XK: variants seen among roughly 807,000 people sequenced by gnomAD.
XK encodes the protein X-linked Kx blood group antigen, Kell and VPS13A binding protein, also known as endoplasmic reticulum membrane adapter protein XK.
Under a neutral mutation model 14.0 loss-of-function variants are expected in XK, and 2 were observed. The observed-to-expected ratio is 0.14, with a 90% CI of 0.06 to 0.45. XK has a LOEUF of 0.45. XK is among the 20% of genes least tolerant of loss of function. The pLI, the probability that XK is intolerant of heterozygous loss-of-function variation, is 0.98. For missense variants in XK, 235 were observed against 341.5 expected, an observed-to-expected ratio of 0.69 and a Z score of 2.46; for synonymous variants, 149 against 147.5, an observed-to-expected ratio of 1.01 and a Z score of -0.08.
chrX:37,704,408 A>G (rs1398820971), intron 2 of XK, among the ~76,000 whole-genome samples: 1 of 111,324 alleles, frequency 9.0e-6, no homozygotes, highest in Non-Finnish European at 1.9e-5. Flanking sequence ...GTGGTGGTAT[A>G]TAACTGTAGT....
At position 37,728,651 on chromosome X, in the gene XK, T is replaced by TTCTTGG. The variant is rs1297758354; in HGVS notation, c.*189_*190insTCTTGG. 2.1e-6 allele frequency: 1 copy of TTCTTGG among 479,367 alleles called. No individual in the cohort carries two copies. The highest frequency in any genetic ancestry group is 3.4e-5 in the Admixed American group (1 of 29,173). The allele number at this position is 479,367 out of a possible 1,213,427, so 39.5% of individuals were successfully genotyped here. On this transcript the variant is annotated 3_prime_UTR_variant, in exon 3 of 3. Transcript: ENST00000378616. ...GGAAGAAGCCAGGAAAACCTCTGAG[T>TTCTTGG]GTTGAAGGGGCAACCCAAGGCATCA...
Position 37,711,717 on chromosome X carries a change from C to T in XK, c.509-15919C>T, listed in dbSNP as rs781936412. Among the ~76,000 whole-genome samples, 3 of 111,704 alleles carry T rather than the reference C, an allele frequency of 2.7e-5. No individual in the cohort carries two copies. The South Asian group carries it at 1.1e-3, about 42-fold the overall frequency. Reference sequence around the variant, plus strand: ...CCTGCACCCGGATGCTTGCCTCAAGCTCTTCAGTTTGAGAGTAGTCATCTA... The same window carrying T: ...CCTGCACCCGGATGCTTGCCTCAAGTTCTTCAGTTTGAGAGTAGTCATCTA... On this transcript the variant is annotated intron_variant, in intron 2 of 2. Transcript: ENST00000378616.
At chrX:37,724,689 G>T (rs1457038579) in intron 2 of XK, among the ~76,000 whole-genome samples, 1 of 111,073 alleles carries the variant, frequency 9.0e-6, no homozygotes, top group African/African-American at 3.3e-5. Context: ...TGCAGAAGAC[G>T]CTCTCAAGAG....
chrX:37,693,879 G>C (rs782072927), intron 1 of XK, among the ~76,000 whole-genome samples: 39 of 112,203 alleles, frequency 3.5e-4, no homozygotes, highest in Non-Finnish European at 7.0e-4. Flanking sequence ...ATGACAAAGT[G>C]GGTATTATAT....
chrX:37,711,540 C>G (rs1313839201), intron 2 of XK, among the ~76,000 whole-genome samples: 1 of 112,098 alleles, frequency 8.9e-6, no homozygotes, highest in Non-Finnish European at 1.9e-5. Context: ...TTTACACAAT[C>G]CTTTGTGGAT....
intron 2 of XK, among the ~76,000 whole-genome samples, chrX:37,710,383 G>A (rs781790382): frequency 4.4e-5 from 5 of 112,427 alleles, no homozygotes; most frequent in Admixed American, 1.9e-4. Context: ...ACTCTTACAG[G>A]TGAATCTATT....
rs781800879 is a variant in XK, at chrX:37,728,377, G to C, written c.1250G>C (p.Arg417Thr). The change falls in exon 3 of 3, where the codon AGA becomes ACA. Residue 417 changes from arginine to threonine, a missense_variant. Coordinates refer to ENST00000378616, the MANE Select transcript of XK (RefSeq NM_021083.4). ...GGAAAGGAAGATCTACAGTCATCCA[G>C]AGATAGAGATGAGACACCTTCTAGC... Reference protein sequence around the residue: ...PIGKEDLQSSRDRDETPSSSK... With the variant: ...PIGKEDLQSSTDRDETPSSSK... 38 of 1,210,671 alleles carry C rather than the reference G, an allele frequency of 3.1e-5. No individual in the cohort carries two copies. Among genetic ancestry groups the C allele is most frequent in the Non-Finnish European group, 4.1e-5 (37 of 895,438 alleles).
In XK at chrX:37,686,717, C is replaced by T. The variant is rs564567348; in HGVS notation, c.245+511C>T. On this transcript the variant is annotated intron_variant, in intron 1 of 2. Transcript: ENST00000378616. ...ATTCTCATAGGGAAGTCAAGAAATC[C>T]ATGCACCATTCTTTTCTCTTGGTGG... Among the ~76,000 whole-genome samples the T allele has an allele frequency of 6.3e-5, 7 of 111,338 alleles. No homozygotes were observed. In the South Asian group the frequency reaches 2.8e-3, roughly 44 times the overall value.
chrX:37,707,172 C>T (rs868957580), intron 2 of XK, among the ~76,000 whole-genome samples: 4 of 112,061 alleles, frequency 3.6e-5, no homozygotes, highest in Non-Finnish European at 3.8e-5. Flanking sequence ...GGGTGGTGGC[C>T]GGGCAGAGGG....
chrX:37,713,596 A>G (rs782716861), intron 2 of XK, among the ~76,000 whole-genome samples: 8 of 108,291 alleles, frequency 7.4e-5, no homozygotes, highest in African/African-American at 2.5e-4. Flanking sequence ...CTGAGGAAGA[A>G]TGCCTCTTTT....
chrX:37,699,822 C>T (rs1173365100), intron 2 of XK, among the ~76,000 whole-genome samples: 1 of 111,509 alleles, frequency 9.0e-6, no homozygotes, highest in East Asian at 2.8e-4. Flanking sequence ...GCTCAGTGAA[C>T]ACCAATAATA....
chrX:37,685,906 G>T lies in XK; in HGVS notation c.-56G>T. 1 of 1,163,381 alleles carries T rather than the reference G, an allele frequency of 8.6e-7. No homozygotes were observed. ...TCGGGCAACGGCCGCCGCCGCCACA[G>T]CCACACAGCCGCCGCCACTGCGTCC... On this transcript the variant is annotated 5_prime_UTR_variant, in exon 1 of 3. Transcript: ENST00000378616.
At position 37,717,362 on chromosome X, in the gene XK, A is replaced by T. The variant is rs1035224238; in HGVS notation, c.509-10274A>T. On this transcript the variant is annotated intron_variant, in intron 2 of 2. Coordinates refer to ENST00000378616, the MANE Select transcript of XK (RefSeq NM_021083.4). ...TGAGTGATCTCTGGAAAGTTACTTAACATCTCTATGTCTCCACTTTCTCAT... is the reference window on the plus strand; with the variant it reads ...TGAGTGATCTCTGGAAAGTTACTTATCATCTCTATGTCTCCACTTTCTCAT... Among the ~76,000 whole-genome samples the T allele has an allele frequency of 8.0e-5, 9 of 112,130 alleles. 1 individual carries two copies. The highest frequency in any genetic ancestry group is 2.6e-4 in the African/African-American group (8 of 30,912).
chrX:37,692,264 T>C (rs1390357261), intron 1 of XK, among the ~76,000 whole-genome samples: 2 of 111,242 alleles, frequency 1.8e-5, no homozygotes, highest in Non-Finnish European at 3.8e-5. Context: ...TTATTGTGCA[T>C]ATGTCCCACT....
At chrX:37,688,362 G>A (rs1478123957) in intron 1 of XK, among the ~76,000 whole-genome samples, 2 of 111,077 alleles carry the variant, frequency 1.8e-5, no homozygotes, top group African/African-American at 3.3e-5. Flanking sequence ...CACCGTGCCC[G>A]GCCTTATCAT....
intron 1 of XK, among the ~76,000 whole-genome samples, chrX:37,687,158 A>ATCTC (rs782029572): frequency 1.4e-4 from 14 of 101,112 alleles, no homozygotes; most frequent in African/African-American, 4.5e-4. Context: ...CTACCAGGAA[A>ATCTC]TCTCTCTCTC....
intron 2 of XK, among the ~76,000 whole-genome samples, chrX:37,722,833 T>C (rs1189077004): frequency 1.8e-5 from 2 of 111,980 alleles, no homozygotes; most frequent in African/African-American, 6.5e-5. Flanking sequence ...TAAATAGAAT[T>C]GCTTTCCTAA....
At chrX:37,713,761 C>T (rs1556447233) in intron 2 of XK, among the ~76,000 whole-genome samples, 1 of 111,387 alleles carries the variant, frequency 9.0e-6, no homozygotes, top group Admixed American at 9.5e-5. Flanking sequence ...TGGGCAAGGC[C>T]TGGAATGGAT....
Position 37,685,809 on chromosome X carries a change from C to T in XK, c.-153C>T. ...CAGTTCCAGAGCCCAGGCCGGTCGG[C>T]CGGGCCCGCGTGCCCTCGGCGGGCT... is the stretch of plus-strand genomic sequence containing the variant. On this transcript the variant is annotated 5_prime_UTR_variant, in exon 1 of 3. Transcript: ENST00000378616. 3 of 433,195 alleles carry T rather than the reference C, an allele frequency of 6.9e-6. No individual in the cohort carries two copies. Among genetic ancestry groups the T allele is most frequent in the Non-Finnish European group, 9.3e-6 (3 of 324,286 alleles). The allele number at this position is 433,195 out of a possible 1,213,427, so 35.7% of individuals were successfully genotyped here. A position where few individuals can be genotyped will look rare whatever the true frequency, so the allele number is the denominator to read the frequency against.
Sources: allele counts gnomAD v4.1 joint callset (sites outside exome capture counted in the v4.1 genomes callset), GRCh38; gene constraint gnomAD v4.1.1; transcripts MANE v1.5; gene names NCBI Gene and HGNC (gene_info 2026-07-23, HGNC 2026-07-21).